Variants in UMAD1 observed in about 807,000 individuals in gnomAD.
UMAD1 encodes the protein UBAP1-MVB12-associated (UMA)-domain containing protein 1.
In UMAD1, 8 loss-of-function variants were observed where a neutral mutation model predicts 6.1. The ratio of observed to expected loss-of-function variants is 1.30; its 90% CI spans 0.76 to 2.35. The LOEUF is 2.35. UMAD1 is among the 30% of genes most tolerant of loss of function. The pLI is 0.00. For synonymous variants in UMAD1, 56 were observed against 31.4 expected, an observed-to-expected ratio of 1.78 and a Z score of -2.61; for missense variants, 130 against 78.4, an observed-to-expected ratio of 1.66 and a Z score of -2.49.
chr7:7,798,662 G>A lies in UMAD1; in HGVS notation c.83-3008G>A, dbSNP rs947381161. Among the ~76,000 whole-genome samples the A allele has an allele frequency of 3.3e-5, 5 of 152,192 alleles. No homozygotes were observed. In the South Asian group the frequency reaches 1.0e-3, roughly 31 times the overall value. On this transcript the variant is annotated intron_variant, in intron 2 of 3. Transcript: ENST00000682710. Reference sequence around the variant, plus strand: ...CCCTTGGCTCCTCTCTTCACACCCTGTTCCCTAACTCAGAGTCTAGTTTCC... The same window carrying A: ...CCCTTGGCTCCTCTCTTCACACCCTATTCCCTAACTCAGAGTCTAGTTTCC...
chr7:7,650,595 A>C (rs1785202683), intron 1 of UMAD1, among the ~76,000 whole-genome samples: 1 of 152,260 alleles, frequency 6.6e-6, no homozygotes, highest in Non-Finnish European at 1.5e-5. Flanking sequence ...TACACTTAAA[A>C]ATTGTTTAAA....
chr7:7,693,295 T>TTATCTGTC lies in UMAD1; in HGVS notation c.82+19847_82+19848insGTCTATCT, dbSNP rs1554315947. ...ATGAATAGTTACTCTTAAAATATCT[T>TTATCTGTC]TATCTATCTATCTATCTATCTATCT... On this transcript the variant is annotated intron_variant, in intron 2 of 3. Coordinates refer to ENST00000682710, the MANE Select transcript of UMAD1 (RefSeq NM_001302348.2). Among the ~76,000 whole-genome samples the TTATCTGTC allele has an allele frequency of 2.7e-5, 4 of 148,886 alleles. No individual in the cohort carries two copies. The East Asian group carries it at 7.9e-4, about 29-fold the overall frequency.
chr7:7,857,339 A>G (rs1485158214), intron 3 of UMAD1, among the ~76,000 whole-genome samples: 1 of 152,196 alleles, frequency 6.6e-6, no homozygotes, highest in Non-Finnish European at 1.5e-5. Flanking sequence ...TTCAGGAATC[A>G]TGTTAAGTGG....
At chr7:7,781,956 C>T (rs879458630) in intron 2 of UMAD1, among the ~76,000 whole-genome samples, 1 of 152,002 alleles carries the variant, frequency 6.6e-6, no homozygotes, top group African/African-American at 2.4e-5. Context: ...CAACTATTTT[C>T]TCTAGCTTTG....
At chr7:7,806,864 T>C (rs1554331269) in intron 3 of UMAD1, among the ~76,000 whole-genome samples, 1 of 152,210 alleles carries the variant, frequency 6.6e-6, no homozygotes, top group Non-Finnish European at 1.5e-5. Flanking sequence ...ACATAATTAG[T>C]AAATTAGCAT....
intron 3 of UMAD1, among the ~76,000 whole-genome samples, chr7:7,852,732 T>C (rs1005743769): frequency 1.3e-5 from 2 of 152,166 alleles, no homozygotes; most frequent in African/African-American, 4.8e-5. Context: ...CCTGTCAGCC[T>C]CCACATATTC....
intron 2 of UMAD1, among the ~76,000 whole-genome samples, chr7:7,764,328 A>G (rs1781946920): frequency 1.3e-5 from 2 of 152,238 alleles, no homozygotes; most frequent in Non-Finnish European, 2.9e-5. Flanking sequence ...TGCTGAAAGA[A>G]TAGAAGCTGC....
chr7:7,656,115 A>T (rs1785336198), intron 1 of UMAD1, among the ~76,000 whole-genome samples: 1 of 152,098 alleles, frequency 6.6e-6, no homozygotes, highest in Admixed American at 6.5e-5. Context: ...GATTACAGGC[A>T]TGAGCCACTG....
At chr7:7,799,002 A>G (rs958724475) in intron 2 of UMAD1, among the ~76,000 whole-genome samples, 2 of 152,182 alleles carry the variant, frequency 1.3e-5, no homozygotes, top group Admixed American at 6.5e-5. Flanking sequence ...TTTTTTATCT[A>G]TCCAAGATAT....
At chr7:7,644,771 G>A (rs1316566237) in intron 1 of UMAD1, among the ~76,000 whole-genome samples, 2 of 151,934 alleles carry the variant, frequency 1.3e-5, no homozygotes, top group African/African-American at 4.8e-5. Flanking sequence ...TTGATGTCTG[G>A]GGCTGTGTTC....
intron 2 of UMAD1, among the ~76,000 whole-genome samples, chr7:7,785,913 G>T (rs912129818): frequency 1.3e-5 from 2 of 152,174 alleles, no homozygotes; most frequent in Admixed American, 1.3e-4. Context: ...ATATTTATCT[G>T]TGTACCTATC....
intron 2 of UMAD1, among the ~76,000 whole-genome samples, chr7:7,798,778 T>C (rs751639748): frequency 6.6e-6 from 1 of 152,216 alleles, no homozygotes; most frequent in African/African-American, 2.4e-5. Flanking sequence ...CCATTGTGAC[T>C]GCTTTCTATG....
chr7:7,762,507 C>A (rs1377953923), intron 2 of UMAD1, among the ~76,000 whole-genome samples: 1 of 152,142 alleles, frequency 6.6e-6, no homozygotes, highest in Admixed American at 6.5e-5. Flanking sequence ...CTTTGCTCTT[C>A]TGATAACTTA....
intron 3 of UMAD1, among the ~76,000 whole-genome samples, chr7:7,817,625 A>G (rs1225092541): frequency 6.6e-6 from 1 of 151,842 alleles, no homozygotes; most frequent in Non-Finnish European, 1.5e-5. Context: ...TCCTAAAGTG[A>G]CTCTTGCCTC....
intron 2 of UMAD1, among the ~76,000 whole-genome samples, chr7:7,800,659 T>G (rs1328520670): frequency 6.6e-6 from 1 of 152,210 alleles, no homozygotes; most frequent in African/African-American, 2.4e-5. Context: ...TATTAAATCC[T>G]TCACAATTTT....
At chr7:7,721,322 C>G (rs1269547390) in intron 2 of UMAD1, among the ~76,000 whole-genome samples, 1 of 152,166 alleles carries the variant, frequency 6.6e-6, no homozygotes, top group Admixed American at 6.5e-5. Context: ...TGACAAGTTT[C>G]TTTTCTCACA....
intron 2 of UMAD1, among the ~76,000 whole-genome samples, chr7:7,705,578 A>G (rs28912700): frequency 0.034 from 5,135 of 152,290 alleles, 294 homozygotes; most frequent in African/African-American, 0.12. Context: ...TGTTTTCATA[A>G]TCATATTAGT....
intron 2 of UMAD1, among the ~76,000 whole-genome samples, chr7:7,711,628 A>G (rs1453402440): frequency 6.6e-6 from 1 of 152,066 alleles, no homozygotes; most frequent in Admixed American, 6.6e-5. Flanking sequence ...ATTTATGTTT[A>G]ATAGTCATAT....
chr7:7,861,029 T>C lies in UMAD1; in HGVS notation c.157-16252T>C, dbSNP rs1430730083. Among the ~76,000 whole-genome samples, 3 of 152,196 alleles carry C rather than the reference T, an allele frequency of 2.0e-5. No homozygotes were observed. In the East Asian group the frequency reaches 5.8e-4, roughly 29 times the overall value. On this transcript the variant is annotated intron_variant, in intron 3 of 3. Transcript: ENST00000682710. ...GATATACATTGTATGGTTCCATTTA[T>C]ATAAGGTGCCTATAATAGGCAAATA...
Sources: allele counts gnomAD v4.1 joint callset (sites outside exome capture counted in the v4.1 genomes callset), GRCh38; gene constraint gnomAD v4.1.1; transcripts MANE v1.5; gene names NCBI Gene and HGNC (gene_info 2026-07-23, HGNC 2026-07-21).